Variants in FSTL5 observed in about 807,000 individuals in gnomAD.
The protein encoded by FSTL5 is follistatin like 5.
FSTL5 carries 62 observed loss-of-function variants against 89.1 expected under a neutral mutation model. The ratio of observed to expected loss-of-function variants is 0.70; its 90% confidence interval spans 0.57 to 0.86. The LOEUF (loss-of-function observed/expected upper bound fraction) is 0.86, where lower values mean the gene tolerates loss of function less well. FSTL5 is among the 40% of genes least tolerant of loss of function. The probability of loss-of-function intolerance (pLI) is 0.00; values close to 1 mark genes in which losing one functional copy is unlikely to be tolerated. For missense variants in FSTL5, 1,057 were observed against 1,001.6 expected (o/e 1.06, Z -0.75); for synonymous variants, 383 against 346.2 (o/e 1.11, Z -1.18).
At chr4:161,941,804 A>G (rs1734594695) in intron 3 of FSTL5, among the ~76,000 whole-genome samples, 1 of 151,964 alleles carries the variant, frequency 6.6e-6, no homozygotes, top group Admixed American at 6.6e-5. Flanking sequence ...ATAGACATAT[A>G]AGAAAAACTT....
intron 7 of FSTL5, among the ~76,000 whole-genome samples, chr4:161,614,258 T>A (rs1433418303): frequency 6.6e-6 from 1 of 152,054 alleles, no homozygotes; most frequent in Non-Finnish European, 1.5e-5. Flanking sequence ...TCGGAAAAAA[T>A]TTTCAATCTT....
intron 6 of FSTL5, among the ~76,000 whole-genome samples, chr4:161,725,497 AT>A (rs757374816): frequency 2.0e-5 from 3 of 151,718 alleles, no homozygotes. Flanking sequence ...GGAAAATTGA[AT>A]ATATAAATAA....
chr4:161,842,924 T>A (rs1404818421), intron 4 of FSTL5, among the ~76,000 whole-genome samples: 2 of 152,024 alleles, frequency 1.3e-5, no homozygotes, highest in Non-Finnish European at 2.9e-5. Context: ...ATGAGAAAAA[T>A]TAGAATACCT....
chr4:161,866,048 G>C (rs1203650714), intron 4 of FSTL5, among the ~76,000 whole-genome samples: 1 of 152,100 alleles, frequency 6.6e-6, no homozygotes, highest in Non-Finnish European at 1.5e-5. Context: ...ATTCTTCCTG[G>C]CTACTGGAGT....
intron 6 of FSTL5, among the ~76,000 whole-genome samples, chr4:161,746,670 A>T (rs996164111): frequency 6.6e-6 from 1 of 152,174 alleles, no homozygotes; most frequent in African/African-American, 2.4e-5. Context: ...TTATTTCTTA[A>T]GGCATTTTGC....
chr4:161,952,746 G>C (rs10026430), intron 3 of FSTL5, among the ~76,000 whole-genome samples: 1 of 151,548 alleles, frequency 6.6e-6, no homozygotes, highest in Non-Finnish European at 1.5e-5. Context: ...ATAATGATTC[G>C]GGTATTAATT....
intron 15 of FSTL5, among the ~76,000 whole-genome samples, chr4:161,450,037 T>G (rs1733107893): frequency 6.6e-6 from 1 of 152,208 alleles, no homozygotes; most frequent in Non-Finnish European, 1.5e-5. Context: ...CACGTTGGTC[T>G]CCGTGTAGTT....
chr4:161,385,744 T>A lies in FSTL5; in HGVS notation c.*3A>T. The A allele has an allele frequency of 1.3e-6, 2 of 1,562,532 alleles. No homozygotes were observed. The highest frequency in any genetic ancestry group is 1.7e-6 in the Non-Finnish European group (2 of 1,150,438). ...TTCATTCAATAATTGTATCGTAGGG[T>A]TTTTAGGCATCTCCAACCCAAATGA... is the stretch of plus-strand genomic sequence containing the variant. On this transcript the variant is annotated 3_prime_UTR_variant, in exon 16 of 16. Coordinates refer to ENST00000306100, the MANE Select transcript of FSTL5 (RefSeq NM_020116.5).
rs577562071 is a variant in FSTL5, at chr4:162,065,914, T to C, written c.127-32256A>G. Among the ~76,000 whole-genome samples the C allele has an allele frequency of 2.2e-3, 331 of 152,094 alleles. 2 individuals carry two copies. The highest frequency in any genetic ancestry group is 7.6e-3 in the African/African-American group (315 of 41,530). On this transcript the variant is annotated intron_variant, in intron 2 of 15. Transcript: ENST00000306100. The stretch of plus-strand genomic sequence containing the variant: ...GAGAGTGACTTTGCTAATCCAACTT[T>C]TAAAAAAAGTAGGGTTACCATCTTA...
chr4:161,622,125 G>C (rs1735154629), intron 7 of FSTL5, among the ~76,000 whole-genome samples: 1 of 152,106 alleles, frequency 6.6e-6, no homozygotes, highest in African/African-American at 2.4e-5. Flanking sequence ...CAATAAATTT[G>C]TAAACAGGAA....
chr4:161,666,892 A>G (rs1352425848), intron 6 of FSTL5, among the ~76,000 whole-genome samples: 1 of 152,122 alleles, frequency 6.6e-6, no homozygotes, highest in East Asian at 1.9e-4. Flanking sequence ...CTATGCTGTT[A>G]GTGAGATTGA....
chr4:161,681,636 T>C (rs1410493222), intron 6 of FSTL5, among the ~76,000 whole-genome samples: 1 of 152,106 alleles, frequency 6.6e-6, no homozygotes, highest in East Asian at 1.9e-4. Flanking sequence ...GTAAGGAATA[T>C]ATATAGTTTA....
intron 6 of FSTL5, among the ~76,000 whole-genome samples, chr4:161,714,959 A>T (rs1231994147): frequency 6.6e-6 from 1 of 152,112 alleles, no homozygotes; most frequent in African/African-American, 2.4e-5. Context: ...TAAATAGTAA[A>T]TTTTTTAAAG....
At chr4:161,744,126 T>C (rs1740114713) in intron 6 of FSTL5, among the ~76,000 whole-genome samples, 1 of 152,104 alleles carries the variant, frequency 6.6e-6, no homozygotes. Context: ...AGATAGATGC[T>C]TTGTGCACAC....
intron 6 of FSTL5, among the ~76,000 whole-genome samples, chr4:161,729,613 A>G (rs2126760833): frequency 6.6e-6 from 1 of 152,336 alleles, no homozygotes; most frequent in Middle Eastern, 3.4e-3. Flanking sequence ...ACAAAAGTAG[A>G]TATTTTAAGC....
At chr4:162,154,175 C>G (rs960692106) in intron 1 of FSTL5, among the ~76,000 whole-genome samples, 2 of 141,492 alleles carry the variant, frequency 1.4e-5, no homozygotes, top group African/African-American at 5.1e-5. Context: ...TCGAATTTAC[C>G]TTTTAGTTAG....
intron 8 of FSTL5, among the ~76,000 whole-genome samples, chr4:161,586,476 C>A (rs1264454399): frequency 6.6e-6 from 1 of 152,166 alleles, no homozygotes; most frequent in Non-Finnish European, 1.5e-5. Flanking sequence ...CACTCACATG[C>A]TATTCCTCAG....
chr4:161,574,529 CA>C (rs1205988303), intron 8 of FSTL5, among the ~76,000 whole-genome samples: 1 of 152,002 alleles, frequency 6.6e-6, no homozygotes, highest in African/African-American at 2.4e-5. Flanking sequence ...CAAGCCCTGA[CA>C]GGTCCCAGTG....
At chr4:161,650,122 G>A (rs1421935246) in intron 7 of FSTL5, among the ~76,000 whole-genome samples, 1 of 152,148 alleles carries the variant, frequency 6.6e-6, no homozygotes, top group Non-Finnish European at 1.5e-5. Context: ...GAAGTTAATA[G>A]TAACACAGTT....
Sources: gnomAD v4.1 joint callset for allele counts (sites outside exome capture counted in the v4.1 genomes callset) on GRCh38, gnomAD v4.1.1 for gene constraint, MANE v1.5 for transcripts, NCBI Gene and HGNC (gene_info 2026-07-23, HGNC 2026-07-21) for gene names.